The following MALRD1 variants were observed in gnomAD, a reference collection of about 807,000 sequenced individuals.
The protein encoded by MALRD1 is MAM and LDL-receptor class A domain-containing protein 1.
In MALRD1, 247 loss-of-function variants were observed where a neutral mutation model predicts 242.1. The ratio of observed to expected loss-of-function variants is 1.02; its 90% confidence interval spans 0.92 to 1.13. The LOEUF is 1.13. MALRD1 is among the 50% of genes most tolerant of loss of function. The pLI is 0.00. For synonymous variants in MALRD1, 995 were observed against 866.6 expected (o/e 1.15, Z -2.60); for missense variants, 2,989 against 2,533.1 (o/e 1.18, Z -3.86).
At chr10:19,519,319 C>T (rs967225319) in intron 31 of MALRD1, among the ~76,000 whole-genome samples, 2 of 151,900 alleles carry the variant, frequency 1.3e-5, no homozygotes, top group Non-Finnish European at 2.9e-5. Context: ...CCTATTATGC[C>T]ACCAAAACAT....
At chr10:19,151,898 T>A (rs1379109681) in intron 11 of MALRD1, among the ~76,000 whole-genome samples, 1 of 152,156 alleles carries the variant, frequency 6.6e-6, no homozygotes, top group Non-Finnish European at 1.5e-5. Flanking sequence ...ATTTCTTTAT[T>A]CTATATGGTA....
At chr10:19,654,904 A>T (rs909959031) in intron 36 of MALRD1, among the ~76,000 whole-genome samples, 1 of 152,214 alleles carries the variant, frequency 6.6e-6, no homozygotes, top group Non-Finnish European at 1.5e-5. Flanking sequence ...CACCTGCTGC[A>T]TAAAAATCTT....
intron 34 of MALRD1, among the ~76,000 whole-genome samples, chr10:19,602,737 T>C (rs1178436954): frequency 6.6e-6 from 1 of 152,198 alleles, no homozygotes; most frequent in African/African-American, 2.4e-5. Context: ...GGTCAAATGG[T>C]ATTTCTTGTT....
intron 35 of MALRD1, among the ~76,000 whole-genome samples, chr10:19,611,829 A>G (rs1306752985): frequency 6.6e-6 from 1 of 152,052 alleles, no homozygotes; most frequent in Non-Finnish European, 1.5e-5. Flanking sequence ...AACTTATAAA[A>G]TCTTATCACA....
chr10:19,419,304 T>A (rs184326940), intron 28 of MALRD1, among the ~76,000 whole-genome samples: 34 of 152,246 alleles, frequency 2.2e-4, no homozygotes, highest in African/African-American at 7.9e-4. Flanking sequence ...TTGTTTTGTT[T>A]GTTTGTTTGA....
chr10:19,176,851 T>C (rs1204373790), intron 14 of MALRD1, among the ~76,000 whole-genome samples: 1 of 128,944 alleles, frequency 7.8e-6, no homozygotes, highest in Non-Finnish European at 1.8e-5. Context: ...TGTGTCTGTG[T>C]GTGTGCGTGC....
intron 36 of MALRD1, among the ~76,000 whole-genome samples, chr10:19,640,911 A>T (rs556984655): frequency 3.0e-4 from 45 of 152,216 alleles, no homozygotes; most frequent in African/African-American, 1.0e-3. Context: ...GGAGTTTTGT[A>T]TATGAAAAAA....
At chr10:19,485,514 G>A (rs181349910) in intron 29 of MALRD1, among the ~76,000 whole-genome samples, 61 of 151,928 alleles carry the variant, frequency 4.0e-4, no homozygotes, top group Middle Eastern at 3.4e-3. Context: ...GTGGTGGCGG[G>A]CACCTGTAGT....
At chr10:19,602,691 A>G (rs1307554862) in intron 34 of MALRD1, among the ~76,000 whole-genome samples, 1 of 152,070 alleles carries the variant, frequency 6.6e-6, no homozygotes, top group African/African-American at 2.4e-5. Context: ...CATGATTTAT[A>G]ATCCTTTGGG....
At chr10:19,116,724 G>A (rs150708663) in intron 5 of MALRD1, among the ~76,000 whole-genome samples, 266 of 152,270 alleles carry the variant, frequency 1.7e-3, no homozygotes, top group African/African-American at 6.2e-3. Context: ...CACTAATCAT[G>A]TATCACTGAT....
At chr10:19,510,277 G>A (rs1292470587) in intron 31 of MALRD1, among the ~76,000 whole-genome samples, 1 of 152,128 alleles carries the variant, frequency 6.6e-6, no homozygotes, top group South Asian at 2.1e-4. Flanking sequence ...GGAGACAGAT[G>A]CCTTCCTCTT....
intron 1 of MALRD1, among the ~76,000 whole-genome samples, chr10:19,059,610 T>G (rs933360110): frequency 6.6e-6 from 1 of 152,164 alleles, no homozygotes; most frequent in African/African-American, 2.4e-5. Context: ...CAGGCTGGTC[T>G]TGAACTCCTG....
At chr10:19,641,965 T>C (rs1387002526) in intron 36 of MALRD1, among the ~76,000 whole-genome samples, 3 of 152,032 alleles carry the variant, frequency 2.0e-5, no homozygotes, top group Admixed American at 6.6e-5. Context: ...AAGATTGTCT[T>C]TGAGTGAAAA....
At chr10:19,621,618 T>A (rs911084047) in intron 36 of MALRD1, among the ~76,000 whole-genome samples, 7 of 151,152 alleles carry the variant, frequency 4.6e-5, no homozygotes, top group African/African-American at 1.7e-4. Flanking sequence ...ATGATTGGAG[T>A]CCCTAAAGAG....
chr10:19,524,881 T>G (rs1219686225), intron 31 of MALRD1, among the ~76,000 whole-genome samples: 1 of 147,380 alleles, frequency 6.8e-6, no homozygotes, highest in Non-Finnish European at 1.5e-5. Flanking sequence ...TTTCCTTTAT[T>G]TTATTTTTTA....
At chr10:19,693,602 C>T (rs942637764) in intron 38 of MALRD1, among the ~76,000 whole-genome samples, 1 of 152,230 alleles carries the variant, frequency 6.6e-6, no homozygotes, top group African/African-American at 2.4e-5. Flanking sequence ...AAGAACCTTC[C>T]ATGCTCGTGG....
intron 28 of MALRD1, among the ~76,000 whole-genome samples, chr10:19,401,511 C>G (rs1846844929): frequency 6.6e-6 from 1 of 151,860 alleles, no homozygotes; most frequent in Non-Finnish European, 1.5e-5. Flanking sequence ...AAATGAAATC[C>G]TTAAATATTA....
intron 21 of MALRD1, among the ~76,000 whole-genome samples, chr10:19,301,767 C>T (rs1273430057): frequency 2.0e-5 from 3 of 151,570 alleles, no homozygotes; most frequent in Non-Finnish European, 4.4e-5. Context: ...GGGTACTATG[C>T]TCATTATCTG....
intron 12 of MALRD1, among the ~76,000 whole-genome samples, chr10:19,157,227 T>A (rs538146190): frequency 1.4e-4 from 21 of 151,916 alleles, no homozygotes; most frequent in East Asian, 1.9e-4. Flanking sequence ...TGAATTTTTT[T>A]AATAAGTTTG....
Sources: allele counts gnomAD v4.1 joint callset (sites outside exome capture counted in the v4.1 genomes callset), GRCh38; gene constraint gnomAD v4.1.1; transcripts MANE v1.5; gene names NCBI Gene and HGNC (gene_info 2026-07-23, HGNC 2026-07-21).